The following CNN2 variants were observed in gnomAD, a reference collection of about 807,000 sequenced individuals.
CNN2 encodes the protein calponin 2.
A neutral mutation model predicts 31.0 loss-of-function variants in CNN2; 21 were observed. The observed-to-expected ratio is 0.68, with a 90% confidence interval of 0.48 to 0.98. The LOEUF is 0.98. CNN2 is among the 50% of genes least tolerant of loss of function. CNN2 has a pLI of 0.00. For synonymous variants in CNN2, 165 were observed against 179.6 expected (o/e 0.92, Z 0.65); for missense variants, 399 against 427.3 (o/e 0.93, Z 0.58).
chr19:1,035,637 C>T (rs969686905), intron 4 of CNN2, among the ~76,000 whole-genome samples: 1 of 152,172 alleles, frequency 6.6e-6, no homozygotes, highest in African/African-American at 2.4e-5. Context: ...GAAGCAGCCC[C>T]ATGGGCTGGG....
intron 2 of CNN2, among the ~76,000 whole-genome samples, chr19:1,031,930 A>T (rs2144621209): frequency 6.6e-6 from 1 of 152,048 alleles, no homozygotes; most frequent in Non-Finnish European, 1.5e-5. Context: ...AGATTACTTT[A>T]TAAGAGTGGA....
intron 4 of CNN2, among the ~76,000 whole-genome samples, chr19:1,035,793 A>G (rs1041004420): frequency 5.3e-5 from 8 of 152,152 alleles, no homozygotes; most frequent in East Asian, 3.9e-4. Context: ...GTGGTGGCAC[A>G]CGCCTGTAAT....
rs2070217 is a variant in CNN2 at position 1,038,077 on chromosome 19, T to G, written c.*177T>G. 24,685 of 667,402 alleles carry G rather than the reference T, an allele frequency of 0.037. 638 individuals carry two copies. The highest frequency in any genetic ancestry group is 0.074 in the East Asian group (2,632 of 35,512). The allele number at this position is 667,402 out of a possible 1,614,324, so 41.3% of individuals were successfully genotyped here. ...CTTTTTTCCCCTTTGCCTTGATCCT[T>G]CGCAAGGCTGAGCCACTGGGCTGTG... On this transcript the variant is annotated 3_prime_UTR_variant, in exon 7 of 7. Transcript: ENST00000263097.
At chr19:1,029,166 C>T (rs1371263661) in intron 1 of CNN2, among the ~76,000 whole-genome samples, 8 of 97,496 alleles carry the variant, frequency 8.2e-5, no homozygotes, top group Non-Finnish European at 1.4e-4. Context: ...CAGGCAGGTC[C>T]AGCTCAGGGG....
intron 2 of CNN2, 139 bp downstream of exon 2, chr19:1,031,331 A>AAGGGGGGG: frequency 2.8e-4 from 3 of 10,716 alleles, no homozygotes; most frequent in South Asian, 7.5e-4. Context: ...TTGGAGGCCG[A>AAGGGGGGG]GGGTGGTGGC....
intron 4 of CNN2, among the ~76,000 whole-genome samples, chr19:1,035,480 A>G (rs971662274): frequency 1.3e-5 from 2 of 152,160 alleles, no homozygotes; most frequent in African/African-American, 2.4e-5. Flanking sequence ...GGCAGAGCCA[A>G]TGGCCTGGCC....
chr19:1,030,967 C>A, intron 1 of CNN2, 104 bp from the exon 2 acceptor site: 1 of 1,388,460 alleles, frequency 7.2e-7, no homozygotes, highest in Non-Finnish European at 9.7e-7. Context: ...GCTCTATCTG[C>A]TGTTGCCCTG....
At chr19:1,035,765 T>A (rs1247564233) in intron 4 of CNN2, among the ~76,000 whole-genome samples, 3 of 151,976 alleles carry the variant, frequency 2.0e-5, no homozygotes, top group Non-Finnish European at 2.9e-5. Flanking sequence ...CTACTAAAAA[T>A]ACAAAAATTA....
chr19:1,036,218 A>C lies in CNN2; in HGVS notation c.479A>C (p.Lys160Thr). 1.9e-6 allele frequency: 3 copies of C among 1,604,030 alleles called. No individual in the cohort carries two copies. The highest frequency in any genetic ancestry group is 2.6e-6 in the Non-Finnish European group (3 of 1,175,002). ...QERNFDDATM[K>T]AGQCVIGLQM... ...CGGAATTTCGACGATGCCACCATGAAGGCTGGCCAGTGCGTCATCGGGCTG... is the reference window on the plus strand; with the variant it reads ...CGGAATTTCGACGATGCCACCATGACGGCTGGCCAGTGCGTCATCGGGCTG... Residue 160 changes from lysine to threonine, a missense_variant, in exon 5 of 7, where the codon AAG becomes ACG. Transcript: ENST00000263097.
chr19:1,037,966 C>G lies in CNN2; in HGVS notation c.*66C>G. The G allele has an allele frequency of 7.4e-7, 1 of 1,348,978 alleles. No individual in the cohort carries two copies. Among genetic ancestry groups the G allele is most frequent in the Non-Finnish European group, 9.7e-7 (1 of 1,030,594 alleles). 83.6% of individuals were successfully genotyped at this position (1,348,978 alleles called of 1,614,324 possible). A position where few individuals can be genotyped will look rare whatever the true frequency, so the allele number is the denominator to read the frequency against. The stretch of plus-strand genomic sequence containing the variant: ...GGGTTTTTGGGTTTTTCTGTGTTTT[C>G]ATCTTTTTTTTTTTTTTCTTAACCC... On this transcript the variant is annotated 3_prime_UTR_variant, in exon 7 of 7. Transcript: ENST00000263097.
chr19:1,031,564 CAAAAAAAAAAAAAAAAA>C (rs536524090), intron 2 of CNN2, among the ~76,000 whole-genome samples: 2 of 66,336 alleles, frequency 3.0e-5, no homozygotes, highest in Non-Finnish European at 5.2e-5. Context: ...GACTCCATCT[CAAAAAAAAAAAAAAAAA>C]AAAAAAAAAG....
chr19:1,027,029 G>C (rs2039409806), intron 1 of CNN2: 1 of 318,524 alleles, frequency 3.1e-6, no homozygotes, highest in Non-Finnish European at 5.8e-6. Context: ...ACCCCCACGT[G>C]TGAAGCCCCT....
intron 4 of CNN2, 28 bp from the exon 5 acceptor site, chr19:1,036,102 G>A: frequency 6.4e-7 from 1 of 1,567,038 alleles, no homozygotes; most frequent in Non-Finnish European, 8.6e-7. Context: ...CCCTCTGCTG[G>A]TACTCCCGGC....
chr19:1,027,864 C>A (rs1473114102), intron 1 of CNN2, among the ~76,000 whole-genome samples: 4 of 152,182 alleles, frequency 2.6e-5, no homozygotes, highest in Non-Finnish European at 4.4e-5. Flanking sequence ...CGGCGGCACT[C>A]CAGGGCCGGC....
Position 1,031,203 on chromosome 19 carries a change from G to T in CNN2, c.185+11G>T, listed in dbSNP as rs368119083. 24 of 1,596,134 alleles carry T rather than the reference G, an allele frequency of 1.5e-5. No individual in the cohort carries two copies. The highest frequency in any genetic ancestry group is 1.9e-5 in the Non-Finnish European group (22 of 1,167,682). On this transcript the variant is annotated intron_variant, in intron 2 of 6. Coordinates refer to ENST00000263097, the MANE Select transcript of CNN2 (RefSeq NM_004368.4). ...AACTATCTTATGCACGTGAGTACAC[G>T]CAGGGACACAGGCTGTCTCACACTT...
chr19:1,035,753 C>G (rs1428535895), intron 4 of CNN2, among the ~76,000 whole-genome samples: 1 of 152,068 alleles, frequency 6.6e-6, no homozygotes, highest in Non-Finnish European at 1.5e-5. Context: ...GAAACCCCGT[C>G]TCTACTAAAA....
At chr19:1,026,976 G>T in intron 1 of CNN2, 1 of 461,964 alleles carries the variant, frequency 2.2e-6, no homozygotes, top group Non-Finnish European at 3.9e-6. Flanking sequence ...CCAACATCTA[G>T]GGGTAGTTGG....
At chr19:1,033,727 G>A (rs373930901) in intron 4 of CNN2, among the ~76,000 whole-genome samples, 2 of 88,472 alleles carry the variant, frequency 2.3e-5, no homozygotes, top group Non-Finnish European at 4.7e-5. Flanking sequence ...GGTGGGACAC[G>A]GTGTCTGGTG....
intron 2 of CNN2, 110 bp downstream of exon 2, chr19:1,031,302 GCCTGTAATCCCAGCACTTTT>G: frequency 1.3e-5 from 6 of 464,706 alleles, no homozygotes; most frequent in Admixed American, 6.9e-5. Context: ...CCTGGCTCAT[GCCTGTAATCCCAGCACTTTT>G]GGAGGCCGAG....
Sources: allele counts gnomAD v4.1 joint callset (sites outside exome capture counted in the v4.1 genomes callset), GRCh38; gene constraint gnomAD v4.1.1; transcripts MANE v1.5; gene names NCBI Gene and HGNC (gene_info 2026-07-23, HGNC 2026-07-21).